ZNF883: variants seen among roughly 807,000 people sequenced by gnomAD.
ZNF883 encodes zinc finger protein 883.
downstream of ZNF883, among the ~76,000 whole-genome samples, chr9:112,996,647 C>T (rs978194091): frequency 1.5e-4 from 22 of 150,116 alleles, no homozygotes; most frequent in Admixed American, 2.7e-4. Flanking sequence ...AAAAATTAGC[C>T]GGGCGTGGTA....
In ZNF883 at chr9:112,990,898, T is replaced by C. The variant is rs536800458; in HGVS notation, n.310-7319A>G. On this transcript the variant is annotated intron_variant and non_coding_transcript_variant, in intron 1 of 9. Coordinates refer to the ZNF883 transcript ENST00000638823. ...CTTCTATATTTCTAGCTTATTTGCA[T>C]AGAAGTGTTTATAGTAGTCTCTGAT... Among the ~76,000 whole-genome samples the C allele has an allele frequency of 6.3e-4, 96 of 152,354 alleles. 3 individuals are homozygous for C. The South Asian group carries it at 0.017, about 26-fold the overall frequency.
chr9:112,991,383 G>A (rs1208785004), intron 1 of ZNF883, among the ~76,000 whole-genome samples: 4 of 151,858 alleles, frequency 2.6e-5, no homozygotes, highest in South Asian at 2.1e-4. Flanking sequence ...TTTCCATGTA[G>A]TTGTGTGGTT....
chr9:112,993,763 C>G (rs1197978885), downstream of ZNF883, among the ~76,000 whole-genome samples: 1 of 152,238 alleles, frequency 6.6e-6, no homozygotes, highest in African/African-American at 2.4e-5. Context: ...TGCTGAAGTT[C>G]CTGCAGGGAG....
At chr9:112,995,539 T>TTC (rs1209472092), downstream of ZNF883, among the ~76,000 whole-genome samples, 1 of 151,472 alleles carries the variant, frequency 6.6e-6, no homozygotes, top group Non-Finnish European at 1.5e-5. Flanking sequence ...CTACTTTCCT[T>TTC]TCTCTCTCTC....
intron 2 of ZNF883, 117 bp downstream of exon 2, chr9:113,011,024 C>G (rs910874035): frequency 2.0e-5 from 3 of 150,060 alleles, no homozygotes; most frequent in Non-Finnish European, 4.4e-5. Context: ...AAATAATGAG[C>G]AATAAAAGAG....
chr9:112,997,839 T>C, exon 1 of ZNF883: 6 of 1,612,946 alleles, frequency 3.7e-6, no homozygotes, highest in Non-Finnish European at 4.2e-6. Flanking sequence ...TGATGTTGAG[T>C]AAGGGCAGAG....
upstream of ZNF883, among the ~76,000 whole-genome samples, chr9:113,001,210 T>A (rs1287516883): frequency 1.3e-5 from 2 of 152,170 alleles, no homozygotes; most frequent in Admixed American, 1.3e-4. Flanking sequence ...AAACATTTGG[T>A]AATGACAGAA....
chr9:112,996,081 T>C (rs973850435), downstream of ZNF883, among the ~76,000 whole-genome samples: 1 of 152,192 alleles, frequency 6.6e-6, no homozygotes, highest in Non-Finnish European at 1.5e-5. Context: ...ACGTTTTTTT[T>C]CCTGTACAGA....
At chr9:113,004,578 CAAT>C (rs1309036204) in intron 2 of ZNF883, among the ~76,000 whole-genome samples, 3 of 151,836 alleles carry the variant, frequency 2.0e-5, no homozygotes, top group African/African-American at 7.3e-5. Context: ...TGTGAGGAAA[CAAT>C]AAGATGGCCA....
chr9:112,990,940 G>A (rs1367474608), intron 1 of ZNF883, among the ~76,000 whole-genome samples: 1 of 152,178 alleles, frequency 6.6e-6, no homozygotes, highest in Admixed American at 6.5e-5. Context: ...TTGTATTTCT[G>A]TGGGGTCGGG....
intron 2 of ZNF883, among the ~76,000 whole-genome samples, chr9:113,004,493 A>T (rs1440566468): frequency 6.6e-6 from 1 of 152,102 alleles, no homozygotes; most frequent in Non-Finnish European, 1.5e-5. Context: ...TTAGGTCATG[A>T]TGATGGAGGC....
At chr9:112,999,136 C>T (rs974728876), upstream of ZNF883, 3 of 152,088 alleles carry the variant, frequency 2.0e-5, no homozygotes, top group Non-Finnish European at 4.4e-5. Context: ...TTATCTCTTT[C>T]CTCTGAAATA....
At chr9:113,006,932 A>T (rs1340706485) in intron 2 of ZNF883, among the ~76,000 whole-genome samples, 1 of 152,142 alleles carries the variant, frequency 6.6e-6, no homozygotes, top group African/African-American at 2.4e-5. Flanking sequence ...ACAGTGGCTC[A>T]CGCCTGTAAT....
rs377275993 is a variant in ZNF883, at chr9:112,998,224, T to C, written n.36A>G. On this transcript the variant is annotated non_coding_transcript_exon_variant, in exon 1 of 1. Coordinates refer to ENST00000639662, the Ensembl canonical transcript of ZNF883. ...CTTTCCCACATTCAGTACAGAGATA[T>C]GGGTTCGCGGTCATATAAATTTTCT... 75 of 1,611,032 alleles carry C rather than the reference T, an allele frequency of 4.7e-5. No homozygotes were observed. In the African/African-American group the frequency reaches 6.0e-4, roughly 13 times the overall value.
At chr9:112,997,999 A>G (rs1828382096) in exon 1 of ZNF883, 2 of 1,613,836 alleles carry the variant, frequency 1.2e-6, no homozygotes, top group Admixed American at 1.7e-5. Flanking sequence ...GGACTCTTTG[A>G]TGCTGAATAA....
downstream of ZNF883, among the ~76,000 whole-genome samples, chr9:112,993,392 T>C (rs1043095089): frequency 6.6e-6 from 1 of 152,200 alleles, no homozygotes; most frequent in Admixed American, 6.5e-5. Flanking sequence ...CAGTGGAGGC[T>C]GGAAAATAGC....
At chr9:112,996,745 C>T (rs1292593265), downstream of ZNF883, among the ~76,000 whole-genome samples, 3 of 126,128 alleles carry the variant, frequency 2.4e-5, no homozygotes, top group South Asian at 2.6e-4. Context: ...GAGCCGAGAT[C>T]GCGCCACTGC....
intron 2 of ZNF883, among the ~76,000 whole-genome samples, chr9:113,009,743 C>T (rs1478219928): frequency 6.6e-6 from 1 of 152,070 alleles, no homozygotes; most frequent in Non-Finnish European, 1.5e-5. Flanking sequence ...CTCTTGACCT[C>T]GTGATCTGCC....
At chr9:113,000,394 C>T (rs1051578299), upstream of ZNF883, among the ~76,000 whole-genome samples, 1 of 152,048 alleles carries the variant, frequency 6.6e-6, no homozygotes, top group Non-Finnish European at 1.5e-5. Flanking sequence ...TCTGTCAGAA[C>T]ATTAACAGGA....
Sources: allele counts gnomAD v4.1 joint callset (sites outside exome capture counted in the v4.1 genomes callset), GRCh38; gene constraint gnomAD v4.1.1; transcripts MANE v1.5; gene names NCBI Gene and HGNC (gene_info 2026-07-23, HGNC 2026-07-21).